SLC9D1: variants seen among roughly 807,000 people sequenced by gnomAD.
The protein encoded by SLC9D1 is putative LAG1-interacting protein.
At chr13:113,545,938 C>T in the SLC9D1 span, 6 of 152,246 alleles carry the variant, frequency 3.9e-5, no homozygotes, top group Admixed American at 1.3e-4. Context: ...TGGAACAGGA[C>T]ATTCCCAAGC....
chr13:113,506,210 G>A, the SLC9D1 span: 3,239 of 104,976 alleles, frequency 0.031, 40 homozygotes, highest in African/African-American at 0.049. Flanking sequence ...AGGGTAAGGG[G>A]GCGTGGGCCA....
At chr13:113,538,075 C>T in the SLC9D1 span, among the ~76,000 whole-genome samples, 20 of 150,590 alleles carry the variant, frequency 1.3e-4, no homozygotes, top group Middle Eastern at 3.2e-3. Context: ...TGCATGCATT[C>T]GTTTGCCTTG....
chr13:113,500,731 T>C, the SLC9D1 span, among the ~76,000 whole-genome samples: 1 of 152,102 alleles, frequency 6.6e-6, no homozygotes, highest in Non-Finnish European at 1.5e-5. Context: ...CAAGATCTGA[T>C]ATACTGTCAG....
At chr13:113,496,048 G>A in the SLC9D1 span, 1 of 1,514,584 alleles carries the variant, frequency 6.6e-7, no homozygotes, top group Admixed American at 1.9e-5. Flanking sequence ...GAGGGAGAGA[G>A]AGAGAGAGGG....
chr13:113,531,140 G>A, the SLC9D1 span, among the ~76,000 whole-genome samples: 10 of 152,244 alleles, frequency 6.6e-5, no homozygotes, highest in African/African-American at 1.2e-4. Context: ...TCACCGCAGC[G>A]CCCAAGAACC....
chr13:113,527,284 C>T, the SLC9D1 span: 2 of 152,276 alleles, frequency 1.3e-5, no homozygotes, highest in Non-Finnish European at 2.9e-5. Context: ...TCTTTCCCTT[C>T]TGATGTTCCC....
At chr13:113,500,010 A>G in the SLC9D1 span, 118 of 1,586,352 alleles carry the variant, frequency 7.4e-5, no homozygotes, top group Non-Finnish European at 9.5e-5. Context: ...GAAGAGGCCA[A>G]TTCTAAGCAA....
chr13:113,526,885 T>C, the SLC9D1 span, among the ~76,000 whole-genome samples: 1 of 152,258 alleles, frequency 6.6e-6, no homozygotes, highest in Non-Finnish European at 1.5e-5. Flanking sequence ...GATGCTATAC[T>C]TTCAGTGTGT....
chr13:113,491,021 G>T, the SLC9D1 span: 4 of 164,368 alleles, frequency 2.4e-5, no homozygotes, highest in South Asian at 8.1e-4. Flanking sequence ...GCGGCTGGGC[G>T]GGAGTCCGGG....
the SLC9D1 span, among the ~76,000 whole-genome samples, chr13:113,493,572 G>A: frequency 6.9e-6 from 1 of 145,144 alleles, no homozygotes; most frequent in Admixed American, 6.7e-5. Flanking sequence ...AGTTGTACAC[G>A]TGTACTTAAA....
At chr13:113,530,408 A>G in the SLC9D1 span, 1 of 152,130 alleles carries the variant, frequency 6.6e-6, no homozygotes, top group Non-Finnish European at 1.5e-5. Flanking sequence ...CGATATTTTA[A>G]TTAGACATAG....
At chr13:113,532,953 TCGCAGACG>T in the SLC9D1 span, among the ~76,000 whole-genome samples, 22 of 51,912 alleles carry the variant, frequency 4.2e-4, no homozygotes, top group East Asian at 4.0e-3. Context: ...CCTCCTGAAG[TCGCAGACG>T]TGGGCCCTGC....
the SLC9D1 span, among the ~76,000 whole-genome samples, chr13:113,517,479 T>C: frequency 0.17 from 26,472 of 152,040 alleles, 2,717 homozygotes; most frequent in Admixed American, 0.28. Context: ...CCGCCCGCCT[T>C]GGCCTCCCAA....
At chr13:113,508,955 T>C in the SLC9D1 span, among the ~76,000 whole-genome samples, 2 of 143,756 alleles carry the variant, frequency 1.4e-5, no homozygotes, top group African/African-American at 5.2e-5. Context: ...CCTGAGTACG[T>C]TGGGACTGGC....
At chr13:113,541,377 C>T in the SLC9D1 span, among the ~76,000 whole-genome samples, 2 of 142,548 alleles carry the variant, frequency 1.4e-5, no homozygotes, top group African/African-American at 5.6e-5. Flanking sequence ...TTATTACTGC[C>T]CAGATGTGTG....
At chr13:113,516,888 G>T in the SLC9D1 span, among the ~76,000 whole-genome samples, 1 of 152,326 alleles carries the variant, frequency 6.6e-6, no homozygotes, top group East Asian at 1.9e-4. Flanking sequence ...GGTGTGGTTT[G>T]CATGCCTGGC....
chr13:113,530,498 A>G, the SLC9D1 span: 1 of 152,200 alleles, frequency 6.6e-6, no homozygotes, highest in East Asian at 1.9e-4. Context: ...AGACTGGTAG[A>G]TTTGTACTAA....
chr13:113,519,337 C>T, the SLC9D1 span, among the ~76,000 whole-genome samples: 22 of 149,722 alleles, frequency 1.5e-4, no homozygotes, highest in Admixed American at 2.6e-4. Context: ...TGAGCCACCG[C>T]GCCCAGCCGC....
the SLC9D1 span, among the ~76,000 whole-genome samples, chr13:113,519,292 C>T: frequency 1.3e-5 from 2 of 151,586 alleles, no homozygotes; most frequent in South Asian, 2.1e-4. Context: ...GTGATCTACC[C>T]ACCTCAGCCT....
Sources: gnomAD v4.1 joint callset for allele counts (sites outside exome capture counted in the v4.1 genomes callset) on GRCh38, gnomAD v4.1.1 for gene constraint, MANE v1.5 for transcripts, NCBI Gene and HGNC (gene_info 2026-07-23, HGNC 2026-07-21) for gene names.